ABTB3: variants seen among roughly 807,000 people sequenced by gnomAD.
The protein encoded by ABTB3 is ankyrin repeat and BTB domain containing 3.
the ABTB3 span, chr12:107,618,465 A>C: frequency 8.7e-7 from 1 of 1,145,956 alleles, no homozygotes; most frequent in Non-Finnish European, 1.2e-6. Flanking sequence ...GCGCGCACAC[A>C]TACACATGCA....
the ABTB3 span, among the ~76,000 whole-genome samples, chr12:107,421,048 C>T: frequency 6.6e-6 from 1 of 152,160 alleles, no homozygotes; most frequent in Non-Finnish European, 1.5e-5. Flanking sequence ...AGGAAGTCTA[C>T]TGAAGGATTA....
chr12:107,452,571 C>T, the ABTB3 span, among the ~76,000 whole-genome samples: 1 of 151,964 alleles, frequency 6.6e-6, no homozygotes, highest in Admixed American at 6.6e-5. Flanking sequence ...GAAAATCAGG[C>T]CAGGCGCAGT....
the ABTB3 span, among the ~76,000 whole-genome samples, chr12:107,334,293 G>T: frequency 6.6e-6 from 1 of 152,162 alleles, no homozygotes; most frequent in Non-Finnish European, 1.5e-5. Context: ...GGCAGGAGAG[G>T]ATGGTGGCCT....
the ABTB3 span, among the ~76,000 whole-genome samples, chr12:107,398,981 G>A: frequency 6.6e-6 from 1 of 152,146 alleles, no homozygotes. Flanking sequence ...GGGGAGTTGA[G>A]TCTCACACTA....
chr12:107,579,084 G>A, the ABTB3 span, among the ~76,000 whole-genome samples: 9 of 152,214 alleles, frequency 5.9e-5, no homozygotes, highest in South Asian at 2.1e-4. Flanking sequence ...CCCACAATGC[G>A]AGGGATTCAA....
chr12:107,521,836 C>A, the ABTB3 span, among the ~76,000 whole-genome samples: 1 of 152,016 alleles, frequency 6.6e-6, no homozygotes, highest in South Asian at 2.1e-4. Flanking sequence ...CCCTCACTAC[C>A]TTCCCATTTC....
At chr12:107,589,245 A>G in the ABTB3 span, among the ~76,000 whole-genome samples, 1 of 152,234 alleles carries the variant, frequency 6.6e-6, no homozygotes, top group Non-Finnish European at 1.5e-5. Context: ...GCCAAAAACA[A>G]TAGCCTCATT....
At chr12:107,522,435 G>A in the ABTB3 span, among the ~76,000 whole-genome samples, 4 of 152,110 alleles carry the variant, frequency 2.6e-5, no homozygotes, top group East Asian at 7.7e-4. Context: ...GCAGTTTTTA[G>A]TATATTTACC....
chr12:107,433,867 A>T, the ABTB3 span, among the ~76,000 whole-genome samples: 2 of 152,208 alleles, frequency 1.3e-5, no homozygotes, highest in South Asian at 4.1e-4. Context: ...GAAGTCCAAG[A>T]TCAGGGATCA....
chr12:107,420,599 A>G, the ABTB3 span, among the ~76,000 whole-genome samples: 1 of 152,244 alleles, frequency 6.6e-6, no homozygotes, highest in East Asian at 1.9e-4. Flanking sequence ...ACAATTCAAG[A>G]TGAGATTTGG....
At chr12:107,505,334 C>G in the ABTB3 span, among the ~76,000 whole-genome samples, 2 of 151,984 alleles carry the variant, frequency 1.3e-5, no homozygotes, top group African/African-American at 4.8e-5. Context: ...AATTTTAAAG[C>G]ATTTATGAAA....
At chr12:107,392,657 C>G in the ABTB3 span, among the ~76,000 whole-genome samples, 4 of 152,156 alleles carry the variant, frequency 2.6e-5, no homozygotes, top group Middle Eastern at 3.2e-3. Context: ...TCTGTTCTCC[C>G]CTTCCATAGG....
the ABTB3 span, among the ~76,000 whole-genome samples, chr12:107,612,201 A>G: frequency 6.6e-6 from 1 of 152,230 alleles, no homozygotes; most frequent in Non-Finnish European, 1.5e-5. Context: ...CTTCGTTTAT[A>G]GAAGCAAGAG....
chr12:107,555,047 AG>A, the ABTB3 span, among the ~76,000 whole-genome samples: 3 of 152,140 alleles, frequency 2.0e-5, no homozygotes, highest in Non-Finnish European at 4.4e-5. Flanking sequence ...TGGGTCCCCA[AG>A]GTCAGACGTG....
chr12:107,471,955 A>G, the ABTB3 span, among the ~76,000 whole-genome samples: 31 of 152,330 alleles, frequency 2.0e-4, no homozygotes, highest in Admixed American at 1.2e-3. Flanking sequence ...GATGCAGAAA[A>G]TGAAACCCAA....
At chr12:107,626,861 A>G in the ABTB3 span, among the ~76,000 whole-genome samples, 1 of 152,206 alleles carries the variant, frequency 6.6e-6, no homozygotes, top group African/African-American at 2.4e-5. Flanking sequence ...TAGACATAGG[A>G]TCAAATGCCA....
At chr12:107,555,389 C>T in the ABTB3 span, among the ~76,000 whole-genome samples, 5 of 152,200 alleles carry the variant, frequency 3.3e-5, no homozygotes, top group Non-Finnish European at 7.3e-5. Flanking sequence ...CCACAGGTGA[C>T]AAGCTACGAG....
At chr12:107,614,538 T>A in the ABTB3 span, among the ~76,000 whole-genome samples, 1 of 152,206 alleles carries the variant, frequency 6.6e-6, no homozygotes, top group East Asian at 1.9e-4. Flanking sequence ...GGCATGGTAG[T>A]GGCATCTCAT....
At chr12:107,334,378 C>T in the ABTB3 span, among the ~76,000 whole-genome samples, 1 of 151,998 alleles carries the variant, frequency 6.6e-6, no homozygotes, top group Non-Finnish European at 1.5e-5. Context: ...TCACCAAGCT[C>T]CTGTTGATAC....
Sources: gnomAD v4.1 joint callset for allele counts (sites outside exome capture counted in the v4.1 genomes callset) on GRCh38, gnomAD v4.1.1 for gene constraint, MANE v1.5 for transcripts, NCBI Gene and HGNC (gene_info 2026-07-23, HGNC 2026-07-21) for gene names.